The following TPO variants were observed in gnomAD, a reference collection of about 807,000 sequenced individuals.
TPO encodes the protein thyroid peroxidase.
In TPO, 78 loss-of-function variants were observed where a neutral mutation model predicts 96.9. The observed-to-expected ratio is 0.81, with a 90% CI of 0.67 to 0.97. The LOEUF (loss-of-function observed/expected upper bound fraction) is 0.97, where lower values mean the gene tolerates loss of function less well. Ranked by LOEUF, TPO falls within the 50% of genes least tolerant of loss-of-function variation. The probability of loss-of-function intolerance (pLI) is 0.00; values close to 1 mark genes in which losing one functional copy is unlikely to be tolerated. For missense variants in TPO, 1,252 were observed against 1,274.8 expected (o/e 0.98, Z 0.27); for synonymous variants, 547 against 538.0 (o/e 1.02, Z -0.23).
At chr2:1,478,032 C>T (rs1193867952) in intron 8 of TPO, 1 of 985,314 alleles carries the variant, frequency 1.0e-6, no homozygotes, top group East Asian at 1.1e-4. Flanking sequence ...CAGAACAACC[C>T]TTGGAGGTGG....
chr2:1,521,030 C>T (rs529945430), intron 15 of TPO, among the ~76,000 whole-genome samples: 2 of 152,256 alleles, frequency 1.3e-5, no homozygotes, highest in East Asian at 1.9e-4. Context: ...CTTAGTTCTG[C>T]AATTTCTGAA....
intron 1 of TPO, among the ~76,000 whole-genome samples, chr2:1,402,353 G>A (rs1383018577): frequency 6.6e-6 from 1 of 152,144 alleles, no homozygotes; most frequent in African/African-American, 2.4e-5. Flanking sequence ...GGTAATGCCT[G>A]GCCCCGTGGA....
Position 1,540,705 on chromosome 2 carries a change from A to G in TPO, c.2730A>G (p.Ala910=). The G allele has an allele frequency of 5.6e-6, 9 of 1,613,390 alleles. No homozygotes were observed. The highest frequency in any genetic ancestry group is 7.6e-6 in the Non-Finnish European group (9 of 1,180,046). Residue 910 remains alanine (A), a synonymous_variant, in exon 16 of 17, where the codon GCA becomes GCG. Transcript: ENST00000329066. The part of the protein sequence containing the change: ...QAVGTSPQRA[A]AQDSEQESAG... ...TAGGGACCTCACCGCAGCGGGCCGC[A>G]GCTCAGGACTCGGAGCAGGTGGGCC...
chr2:1,394,126 C>T (rs1317788495), intron 1 of TPO, among the ~76,000 whole-genome samples: 2 of 152,242 alleles, frequency 1.3e-5, no homozygotes, highest in Admixed American at 1.3e-4. Flanking sequence ...TATTTCACTA[C>T]ATCCACTATC....
At chr2:1,470,743 C>T (rs906115916) in intron 7 of TPO, among the ~76,000 whole-genome samples, 12 of 152,102 alleles carry the variant, frequency 7.9e-5, no homozygotes, top group African/African-American at 2.9e-4. Flanking sequence ...ACTGTGTCTA[C>T]TAGGAATTTC....
At chr2:1,376,459 T>C (rs956666203) in intron 1 of TPO, among the ~76,000 whole-genome samples, 12 of 152,198 alleles carry the variant, frequency 7.9e-5, no homozygotes, top group African/African-American at 2.9e-4. Context: ...AAGTGACATT[T>C]TTGCTTGTTA....
intron 15 of TPO, among the ~76,000 whole-genome samples, chr2:1,523,646 C>T (rs1573536658): frequency 7.4e-6 from 1 of 135,028 alleles, no homozygotes; most frequent in East Asian, 2.4e-4. Context: ...TCAAATCACC[C>T]CCCACTGTGT....
chr2:1,471,283 C>T (rs1669381000), intron 7 of TPO, among the ~76,000 whole-genome samples: 1 of 152,044 alleles, frequency 6.6e-6, no homozygotes, highest in African/African-American at 2.4e-5. Flanking sequence ...CTATTCGAGC[C>T]CATAAGTCTT....
At chr2:1,449,169 A>G (rs552586992) in intron 5 of TPO, among the ~76,000 whole-genome samples, 1 of 152,358 alleles carries the variant, frequency 6.6e-6, no homozygotes, top group South Asian at 2.1e-4. Flanking sequence ...AGAACCCTTA[A>G]GATCTACCTG....
chr2:1,538,560 C>A (rs1680348881), intron 15 of TPO, among the ~76,000 whole-genome samples: 1 of 152,100 alleles, frequency 6.6e-6, no homozygotes, highest in African/African-American at 2.4e-5. Context: ...CAGTGAATGC[C>A]AATTATTTTA....
At chr2:1,459,226 A>G (rs2148608816) in intron 7 of TPO, among the ~76,000 whole-genome samples, 1 of 151,152 alleles carries the variant, frequency 6.6e-6, no homozygotes, top group Middle Eastern at 3.5e-3. Context: ...ATCTCGGCTC[A>G]CTGCAACCTC....
At chr2:1,454,598 C>T (rs543445962) in intron 6 of TPO, among the ~76,000 whole-genome samples, 1 of 152,286 alleles carries the variant, frequency 6.6e-6, no homozygotes, top group Admixed American at 6.5e-5. Flanking sequence ...TCGGTGCTCC[C>T]AGCAGCAGGG....
intron 5 of TPO, among the ~76,000 whole-genome samples, chr2:1,450,746 A>G (rs1033432694): frequency 2.0e-5 from 3 of 152,152 alleles, no homozygotes; most frequent in Non-Finnish European, 4.4e-5. Context: ...AAAGTCAATC[A>G]GCAAAAAAAA....
intron 8 of TPO, among the ~76,000 whole-genome samples, chr2:1,479,451 A>G (rs1558336945): frequency 6.6e-6 from 1 of 152,346 alleles, no homozygotes; most frequent in East Asian, 1.9e-4. Flanking sequence ...CCTCAGGAGC[A>G]GGATTTGGTT....
At chr2:1,378,869 T>C (rs557904094) in intron 1 of TPO, among the ~76,000 whole-genome samples, 1 of 151,866 alleles carries the variant, frequency 6.6e-6, no homozygotes, top group African/African-American at 2.4e-5. Flanking sequence ...TGCCTCCCCC[T>C]GTTCTGGGGA....
At chr2:1,448,557 G>A (rs764054539) in intron 5 of TPO, among the ~76,000 whole-genome samples, 1 of 152,296 alleles carries the variant, frequency 6.6e-6, no homozygotes, top group East Asian at 1.9e-4. Flanking sequence ...GCCGGCCATC[G>A]TAAGAGTTAC....
In TPO at chr2:1,515,108, T is replaced by C. The variant is rs556160684; in HGVS notation, c.2519-1775T>C. On this transcript the variant is annotated intron_variant, in intron 14 of 16. Coordinates refer to ENST00000329066, the MANE Select transcript of TPO (RefSeq NM_001206744.2). The stretch of plus-strand genomic sequence containing the variant: ...ATGAATTTCCACGGCTGCCCTGTCC[T>C]GACTGCCCTGACCTGGCCTGTGCTT... Among the ~76,000 whole-genome samples, 273 of 152,338 alleles carry C rather than the reference T, an allele frequency of 1.8e-3. 1 individual carries two copies. The highest frequency in any genetic ancestry group is 6.2e-3 in the African/African-American group (257 of 41,582).
intron 1 of TPO, among the ~76,000 whole-genome samples, chr2:1,388,123 C>T (rs1350296540): frequency 6.6e-6 from 1 of 152,208 alleles, no homozygotes; most frequent in Admixed American, 6.5e-5. Context: ...TGCCCCTACT[C>T]GGGGGTGCCT....
At chr2:1,380,242 A>G (rs1383588605) in intron 1 of TPO, among the ~76,000 whole-genome samples, 2 of 151,894 alleles carry the variant, frequency 1.3e-5, no homozygotes, top group Non-Finnish European at 2.9e-5. Flanking sequence ...AAAATACAAA[A>G]AATTAGCAGG....
Sources: gnomAD v4.1 joint callset for allele counts (sites outside exome capture counted in the v4.1 genomes callset) on GRCh38, gnomAD v4.1.1 for gene constraint, MANE v1.5 for transcripts, NCBI Gene and HGNC (gene_info 2026-07-23, HGNC 2026-07-21) for gene names.